Variants in ZNF385D observed in about 807,000 individuals in gnomAD.
ZNF385D encodes the protein zinc finger protein 385D.
In ZNF385D, 15 loss-of-function variants were observed where a neutral mutation model predicts 35.8. That is an observed-to-expected ratio of 0.42 (90% CI 0.28 to 0.64). The LOEUF (loss-of-function observed/expected upper bound fraction) is 0.64, where lower values mean the gene tolerates loss of function less well. ZNF385D is among the 30% of genes least tolerant of loss of function. The pLI is 0.23. For synonymous variants in ZNF385D, 212 were observed against 186.8 expected, an observed-to-expected ratio of 1.13 and a Z score of -1.10; for missense variants, 474 against 494.6, an observed-to-expected ratio of 0.96 and a Z score of 0.39.
intron 3 of ZNF385D, among the ~76,000 whole-genome samples, chr3:21,837,098 G>A (rs1011427721): frequency 6.6e-6 from 1 of 152,056 alleles, no homozygotes; most frequent in African/African-American, 2.4e-5. Context: ...TATGATGCTA[G>A]CATTGGAGTG....
chr3:21,450,853 C>T (rs544138956), intron 4 of ZNF385D, among the ~76,000 whole-genome samples: 1 of 152,166 alleles, frequency 6.6e-6, no homozygotes, highest in Non-Finnish European at 1.5e-5. Flanking sequence ...TATGATCTAA[C>T]TGTCAAAACA....
At chr3:22,367,448 G>A (rs887847442) in intron 2 of ZNF385D, among the ~76,000 whole-genome samples, 10 of 152,188 alleles carry the variant, frequency 6.6e-5, no homozygotes, top group Admixed American at 6.5e-4. Flanking sequence ...TGAAGTTACT[G>A]TGAATGTAGA....
At chr3:21,793,634 A>T (rs1338431082) in intron 3 of ZNF385D, among the ~76,000 whole-genome samples, 1 of 152,250 alleles carries the variant, frequency 6.6e-6, no homozygotes, top group Non-Finnish European at 1.5e-5. Context: ...CCTACAGGAC[A>T]TGCTGAGATT....
At chr3:21,820,626 C>T (rs2073356914) in intron 3 of ZNF385D, among the ~76,000 whole-genome samples, 1 of 150,276 alleles carries the variant, frequency 6.7e-6, no homozygotes, top group African/African-American at 2.4e-5. Context: ...ATGAAAAATA[C>T]AATAGAAAAC....
intron 2 of ZNF385D, among the ~76,000 whole-genome samples, chr3:22,232,329 T>A (rs1301289584): frequency 6.6e-6 from 1 of 152,152 alleles, no homozygotes; most frequent in African/African-American, 2.4e-5. Context: ...ACCTTTTTTT[T>A]TTTTCAAATT....
At chr3:21,469,070 T>C (rs1703717691) in intron 4 of ZNF385D, among the ~76,000 whole-genome samples, 1 of 152,118 alleles carries the variant, frequency 6.6e-6, no homozygotes, top group Non-Finnish European at 1.5e-5. Context: ...ATTTCTAGGG[T>C]GATGGAAAGT....
intron 4 of ZNF385D, among the ~76,000 whole-genome samples, chr3:21,503,750 C>T (rs1559354584): frequency 6.6e-6 from 1 of 152,138 alleles, no homozygotes; most frequent in African/African-American, 2.4e-5. Context: ...CATTTTCCAT[C>T]AGATATCTTC....
intron 3 of ZNF385D, among the ~76,000 whole-genome samples, chr3:21,838,137 G>A (rs114807063): frequency 0.012 from 1,842 of 152,158 alleles, 36 homozygotes; most frequent in African/African-American, 0.04. Flanking sequence ...TAACACAGAA[G>A]AACAGTGTTT....
intron 3 of ZNF385D, among the ~76,000 whole-genome samples, chr3:21,816,169 G>T (rs1337031448): frequency 1.3e-5 from 2 of 152,118 alleles, no homozygotes; most frequent in African/African-American, 2.4e-5. Context: ...AGGTATTGAT[G>T]GGACGTATCT....
At chr3:22,202,087 G>C (rs1696835235) in intron 2 of ZNF385D, among the ~76,000 whole-genome samples, 2 of 152,162 alleles carry the variant, frequency 1.3e-5, no homozygotes, top group African/African-American at 4.8e-5. Flanking sequence ...GAGGACCTCA[G>C]TCTGATTATT....
At chr3:22,034,645 T>C (rs11914361) in intron 3 of ZNF385D, among the ~76,000 whole-genome samples, 35,076 of 152,122 alleles carry the variant, frequency 0.23, 4,364 homozygotes, top group South Asian at 0.4. Context: ...TCAGATAACC[T>C]CATAATTGGT....
intron 3 of ZNF385D, among the ~76,000 whole-genome samples, chr3:22,002,451 A>G (rs1576127163): frequency 6.6e-6 from 1 of 152,132 alleles, no homozygotes; most frequent in South Asian, 2.1e-4. Context: ...TCTTCCAGAA[A>G]AGAAAATCCT....
intron 2 of ZNF385D, among the ~76,000 whole-genome samples, chr3:22,180,678 C>A (rs1695180763): frequency 6.6e-6 from 1 of 152,076 alleles, no homozygotes; most frequent in Non-Finnish European, 1.5e-5. Context: ...GAACCAATGA[C>A]AAAAACCACA....
intron 2 of ZNF385D, among the ~76,000 whole-genome samples, chr3:21,577,782 A>G (rs2063535841): frequency 1.4e-5 from 2 of 147,284 alleles, no homozygotes; most frequent in Non-Finnish European, 3.0e-5. Context: ...CATTTTTCAT[A>G]TACTTGTTGG....
At chr3:22,176,205 G>C (rs1364777836) in intron 2 of ZNF385D, among the ~76,000 whole-genome samples, 1 of 152,006 alleles carries the variant, frequency 6.6e-6, no homozygotes, top group Non-Finnish European at 1.5e-5. Context: ...AGTGGTGTGT[G>C]TGTGTGTACA....
At chr3:22,366,171 T>A (rs1318449016) in intron 2 of ZNF385D, among the ~76,000 whole-genome samples, 1 of 152,120 alleles carries the variant, frequency 6.6e-6, no homozygotes, top group African/African-American at 2.4e-5. Context: ...CATAGTTTCT[T>A]ATCTCTAAAA....
At chr3:22,065,910 C>A (rs908857132) in intron 3 of ZNF385D, among the ~76,000 whole-genome samples, 6 of 152,138 alleles carry the variant, frequency 3.9e-5, no homozygotes, top group South Asian at 2.1e-4. Context: ...CGGATCACAG[C>A]CCAACTAAAA....
intron 3 of ZNF385D, among the ~76,000 whole-genome samples, chr3:21,938,044 C>T (rs1310285754): frequency 6.6e-6 from 1 of 152,134 alleles, no homozygotes; most frequent in African/African-American, 2.4e-5. Flanking sequence ...AAAGGAGGTC[C>T]AAATTTTTAT....
intron 3 of ZNF385D, among the ~76,000 whole-genome samples, chr3:22,020,845 G>C (rs1697181554): frequency 6.6e-6 from 1 of 152,002 alleles, no homozygotes; most frequent in South Asian, 2.1e-4. Flanking sequence ...CACAGCACTA[G>C]TCACAACAGC....
Sources: allele counts gnomAD v4.1 joint callset (sites outside exome capture counted in the v4.1 genomes callset), GRCh38; gene constraint gnomAD v4.1.1; transcripts MANE v1.5; gene names NCBI Gene and HGNC (gene_info 2026-07-23, HGNC 2026-07-21).